WWOX: variants seen among roughly 807,000 people sequenced by gnomAD.
The protein encoded by WWOX is WW domain containing oxidoreductase, also known as WW domain-containing oxidoreductase.
A neutral mutation model predicts 46.2 loss-of-function variants in WWOX; 69 were observed. The observed-to-expected ratio is 1.49, with a 90% CI of 1.23 to 1.82. The LOEUF is 1.82. Ranked by LOEUF, WWOX falls within the 40% of genes most tolerant of loss-of-function variation. WWOX has a pLI of 0.00. For missense variants in WWOX, 919 were observed against 542.6 expected, an observed-to-expected ratio of 1.69 and a Z score of -6.89; for synonymous variants, 359 against 202.6, an observed-to-expected ratio of 1.77 and a Z score of -6.56.
chr16:78,489,660 T>C (rs2151459527), intron 8 of WWOX, among the ~76,000 whole-genome samples: 1 of 152,186 alleles, frequency 6.6e-6, no homozygotes, highest in South Asian at 2.1e-4. Flanking sequence ...CTCTCCAGGG[T>C]AAAAGAAGAG....
At chr16:78,798,454 C>T (rs151205920) in intron 8 of WWOX, among the ~76,000 whole-genome samples, 35 of 152,212 alleles carry the variant, frequency 2.3e-4, no homozygotes, top group Admixed American at 5.9e-4. Flanking sequence ...ATTAATATGC[C>T]GCTTTTTTGT....
rs548310067 is a variant in WWOX at position 78,185,332 on chromosome 16, C to T, written c.516+21043C>T. ...ATAGAACAGGCGTCAAAGACCCTCC[C>T]GCCTCTGTAACCGCACTGTTTAAAA... On this transcript the variant is annotated intron_variant, in intron 5 of 8. Transcript: ENST00000566780. Among the ~76,000 whole-genome samples, 15 of 152,250 alleles carry T rather than the reference C, an allele frequency of 9.9e-5. No homozygotes were observed. In the South Asian group the frequency reaches 1.7e-3, roughly 17 times the overall value.
intron 5 of WWOX, among the ~76,000 whole-genome samples, chr16:78,291,351 A>G (rs1258188205): frequency 6.6e-6 from 1 of 152,176 alleles, no homozygotes; most frequent in African/African-American, 2.4e-5. Context: ...GATAAACAGC[A>G]TATTTGTGGT....
intron 5 of WWOX, among the ~76,000 whole-genome samples, chr16:78,186,895 C>T (rs1479551150): frequency 6.6e-6 from 1 of 152,214 alleles, no homozygotes; most frequent in African/African-American, 2.4e-5. Flanking sequence ...GTGATAGTCA[C>T]AGCATAACAA....
chr16:78,545,843 G>A (rs2044018126), intron 8 of WWOX, among the ~76,000 whole-genome samples: 3 of 152,122 alleles, frequency 2.0e-5, no homozygotes, highest in Admixed American at 1.3e-4. Context: ...CCTTCCGTCT[G>A]TTTCTTGGTG....
intron 8 of WWOX, among the ~76,000 whole-genome samples, chr16:78,868,216 A>G (rs1005085908): frequency 3.3e-5 from 5 of 152,202 alleles, no homozygotes; most frequent in South Asian, 2.1e-4. Flanking sequence ...CTAACTCTGG[A>G]TACCTTTAAT....
intron 5 of WWOX, among the ~76,000 whole-genome samples, chr16:78,369,044 C>G (rs962084234): frequency 6.6e-6 from 1 of 151,786 alleles, no homozygotes; most frequent in Non-Finnish European, 1.5e-5. Context: ...CTTCCTTCCT[C>G]TATCCTTTTT....
At chr16:78,971,751 C>G (rs560577546) in intron 8 of WWOX, among the ~76,000 whole-genome samples, 2 of 138,470 alleles carry the variant, frequency 1.4e-5, no homozygotes, top group South Asian at 2.7e-4. Flanking sequence ...CCCTGGCCTT[C>G]TTTTTGTGCT....
intron 8 of WWOX, among the ~76,000 whole-genome samples, chr16:78,871,997 C>G (rs753413884): frequency 2.6e-5 from 4 of 152,196 alleles, no homozygotes; most frequent in Admixed American, 2.0e-4. Context: ...TCAGATGCCA[C>G]TCAACAAGGG....
intron 8 of WWOX, among the ~76,000 whole-genome samples, chr16:79,074,577 A>G (rs1430496361): frequency 6.6e-6 from 1 of 151,992 alleles, no homozygotes; most frequent in Non-Finnish European, 1.5e-5. Flanking sequence ...ATGGAGTAGC[A>G]TTCTACACTT....
chr16:78,656,866 A>G (rs72794724), intron 8 of WWOX, among the ~76,000 whole-genome samples: 1 of 152,152 alleles, frequency 6.6e-6, no homozygotes, highest in East Asian at 1.9e-4. Context: ...ACAGGAAGAC[A>G]TTTAGGGGAG....
intron 8 of WWOX, among the ~76,000 whole-genome samples, chr16:78,721,869 C>G (rs1039455778): frequency 3.3e-5 from 5 of 152,218 alleles, no homozygotes; most frequent in African/African-American, 7.2e-5. Context: ...AGCAAACGCA[C>G]ACGTGCGTAG....
At chr16:78,481,795 A>C (rs894851980) in intron 8 of WWOX, among the ~76,000 whole-genome samples, 1 of 131,386 alleles carries the variant, frequency 7.6e-6, no homozygotes, top group African/African-American at 3.7e-5. Flanking sequence ...TGTGGATGTG[A>C]TAAGAGCTGT....
At position 78,260,041 on chromosome 16, in the gene WWOX, G is replaced by T. The variant is rs570402526; in HGVS notation, c.516+95752G>T. ...CCTTCTGACTGGGTGAGACCTCCCA[G>T]CAGGCGTTGCCAGAGAACTTACACA... On this transcript the variant is annotated intron_variant, in intron 5 of 8. Transcript: ENST00000566780. 2.0e-3 allele frequency among the ~76,000 whole-genome samples: 302 copies of T among 151,334 alleles called. 6 individuals carry two copies. Among genetic ancestry groups the T allele is most frequent in the Non-Finnish European group, 3.6e-3 (241 of 67,790 alleles).
At chr16:78,957,010 C>T (rs530776246) in intron 8 of WWOX, among the ~76,000 whole-genome samples, 2 of 152,288 alleles carry the variant, frequency 1.3e-5, no homozygotes, top group Admixed American at 6.5e-5. Context: ...TTGAGGACTC[C>T]GTGTGTTATT....
chr16:78,985,544 G>A (rs1469091034), intron 8 of WWOX, among the ~76,000 whole-genome samples: 1 of 149,088 alleles, frequency 6.7e-6, no homozygotes, highest in Non-Finnish European at 1.5e-5. Flanking sequence ...CAAGGTGGGA[G>A]GATCACTTGA....
chr16:78,411,395 A>G (rs911152790), intron 6 of WWOX, among the ~76,000 whole-genome samples: 1 of 152,162 alleles, frequency 6.6e-6, no homozygotes, highest in African/African-American at 2.4e-5. Flanking sequence ...TCTTCAGTGA[A>G]ATAATATTTG....
chr16:78,377,837 A>C (rs1024218360), intron 5 of WWOX, among the ~76,000 whole-genome samples: 3 of 152,166 alleles, frequency 2.0e-5, no homozygotes, highest in African/African-American at 7.2e-5. Flanking sequence ...ATCTGGTGCA[A>C]TTTCTCCTTG....
Position 78,544,603 on chromosome 16 carries a change from T to C in WWOX, c.1056+111851T>C, listed in dbSNP as rs550722470. Among the ~76,000 whole-genome samples, 31 of 152,314 alleles carry C rather than the reference T, an allele frequency of 2.0e-4. No individual in the cohort carries two copies. The South Asian group carries it at 6.4e-3, about 32-fold the overall frequency. On this transcript the variant is annotated intron_variant, in intron 8 of 8. Transcript: ENST00000566780. ...AAATGAGATGATTGAAAATGAGATG[T>C]GGCTGGGCATGGTGGCTCACACCTC...
Sources: allele counts gnomAD v4.1 joint callset (sites outside exome capture counted in the v4.1 genomes callset), GRCh38; gene constraint gnomAD v4.1.1; transcripts MANE v1.5; gene names NCBI Gene and HGNC (gene_info 2026-07-23, HGNC 2026-07-21).